The following TPP2 variants were observed in gnomAD, a reference collection of about 807,000 sequenced individuals.
The protein encoded by TPP2 is tripeptidyl-peptidase 2.
Under a neutral mutation model 155.9 loss-of-function variants are expected in TPP2, and 34 were observed. The observed-to-expected ratio is 0.22, with a 90% CI of 0.17 to 0.29. The LOEUF is 0.29. Among genes scored for constraint, TPP2 ranks in the 10% least tolerant of loss-of-function variants. The pLI, the probability that TPP2 is intolerant of heterozygous loss-of-function variation, is 1.00. For synonymous variants in TPP2, 510 were observed against 529.4 expected (o/e 0.96, Z 0.50); for missense variants, 1,028 against 1,522.3 (o/e 0.68, Z 5.40).
chr13:102,652,017 T>C (rs1212415818), intron 24 of TPP2, among the ~76,000 whole-genome samples: 1 of 152,184 alleles, frequency 6.6e-6, no homozygotes, highest in Non-Finnish European at 1.5e-5. Context: ...CTCTGCAGCA[T>C]ATTAAGCAAT....
chr13:102,671,532 T>C (rs995574638), intron 27 of TPP2, among the ~76,000 whole-genome samples: 13 of 152,218 alleles, frequency 8.5e-5, no homozygotes, highest in African/African-American at 3.1e-4. Context: ...CTCAACCCTC[T>C]TGTAAATGGG....
intron 15 of TPP2, among the ~76,000 whole-genome samples, 184 bp downstream of exon 15, chr13:102,638,499 G>T (rs1882538246): frequency 6.6e-6 from 1 of 152,124 alleles, no homozygotes; most frequent in Non-Finnish European, 1.5e-5. Flanking sequence ...TGTGTGCTCT[G>T]AGAGTAACTG....
chr13:102,659,636 A>G (rs1002217754), intron 25 of TPP2, among the ~76,000 whole-genome samples: 7 of 152,218 alleles, frequency 4.6e-5, no homozygotes, highest in African/African-American at 1.7e-4. Context: ...TGAAAATGAA[A>G]TAATTCCCAG....
chr13:102,667,221 A>G (rs1884668732), intron 27 of TPP2, among the ~76,000 whole-genome samples: 1 of 132,092 alleles, frequency 7.6e-6, no homozygotes, highest in Non-Finnish European at 1.6e-5. Flanking sequence ...AAAAAATATT[A>G]ACTTTTAGTT....
At chr13:102,633,049 A>G (rs1420839023) in intron 10 of TPP2, among the ~76,000 whole-genome samples, 1 of 152,222 alleles carries the variant, frequency 6.6e-6, no homozygotes, top group Non-Finnish European at 1.5e-5. Flanking sequence ...AAGAGTAAAA[A>G]TAGTTCACTC....
chr13:102,663,990 T>C (rs149443371), intron 26 of TPP2, among the ~76,000 whole-genome samples: 227 of 152,110 alleles, frequency 1.5e-3, no homozygotes, highest in African/African-American at 5.2e-3. Context: ...ACCTTAACGA[T>C]TGTTTTCATG....
intron 6 of TPP2, among the ~76,000 whole-genome samples, chr13:102,623,555 C>T (rs1881327909): frequency 6.6e-6 from 1 of 152,126 alleles, no homozygotes; most frequent in South Asian, 2.1e-4. Flanking sequence ...AAGAGCGAAA[C>T]TCCATCTCAA....
chr13:102,635,505 A>T, intron 11 of TPP2, 82 bp from the exon 12 acceptor site: 3 of 930,972 alleles, frequency 3.2e-6, no homozygotes, highest in Non-Finnish European at 5.1e-6. Flanking sequence ...CAGAGGGTCT[A>T]CAGGTGATCG....
At position 102,679,213 on chromosome 13, in the gene TPP2, A is replaced by G; in HGVS notation, c.*897A>G. ...TTTCATAAATAAAATTTGGGGTTAT[A>G]ACAGAAATAATACATTAAATACATA... On this transcript the variant is annotated 3_prime_UTR_variant, in exon 30 of 30. Transcript: ENST00000376052. 6.6e-6 allele frequency: 1 copy of G among 152,588 alleles called. No individual in the cohort carries two copies. The allele number at this position is 152,588 out of a possible 1,614,324, so 9.5% of individuals were successfully genotyped here.
At chr13:102,615,978 A>G (rs949041910) in intron 3 of TPP2, among the ~76,000 whole-genome samples, 2 of 149,276 alleles carry the variant, frequency 1.3e-5, no homozygotes, top group African/African-American at 2.5e-5. Context: ...TCTCTTTGAG[A>G]CAGAGTCTTA....
At chr13:102,663,110 TCA>T (rs765078057) in intron 25 of TPP2, among the ~76,000 whole-genome samples, 213 of 115,956 alleles carry the variant, frequency 1.8e-3, no homozygotes, top group Non-Finnish European at 2.4e-3. Flanking sequence ...GGAATAATTT[TCA>T]GTTTGATTTA....
At chr13:102,622,177 A>G (rs1881215280) in intron 5 of TPP2, among the ~76,000 whole-genome samples, 1 of 152,218 alleles carries the variant, frequency 6.6e-6, no homozygotes, top group Non-Finnish European at 1.5e-5. Context: ...ACTGACTTGC[A>G]TAGCTTGTTA....
At chr13:102,606,737 C>T (rs1044272005) in intron 2 of TPP2, among the ~76,000 whole-genome samples, 1 of 152,200 alleles carries the variant, frequency 6.6e-6, no homozygotes, top group Admixed American at 6.5e-5. Context: ...ATTATATTCA[C>T]GGGTCCTGCC....
Position 102,638,173 on chromosome 13 carries a change from A to G in TPP2, c.1837-66A>G, listed in dbSNP as rs1595173411. The G allele has an allele frequency of 1.3e-5, 18 of 1,394,408 alleles. No individual in the cohort carries two copies. In the East Asian group the frequency reaches 3.9e-4, roughly 30 times the overall value. The allele number at this position is 1,394,408 out of a possible 1,614,324, so 86.4% of individuals were successfully genotyped here. ...GATTGATTTATTCTGTCAGTAGTTT[A>G]GACCTTCCCCCGCTCTTTTAAACAT... is the stretch of plus-strand genomic sequence containing the variant. On this transcript the variant is annotated intron_variant, in intron 14 of 29. Transcript: ENST00000376052.
At chr13:102,603,592 T>G (rs1239983426) in intron 1 of TPP2, among the ~76,000 whole-genome samples, 1 of 152,100 alleles carries the variant, frequency 6.6e-6, no homozygotes, top group Non-Finnish European at 1.5e-5. Context: ...GAGGTTGGCG[T>G]GGTTAGACTC....
rs900785494 is a variant in TPP2, at chr13:102,630,128, G to A, written c.1177G>A (p.Val393Ile). The A allele has an allele frequency of 3.1e-6, 5 of 1,613,506 alleles. No individual in the cohort carries two copies. The African/African-American group carries it at 5.3e-5, about 17-fold the overall frequency. ...TGCTTATGTTTCTCCTGATATGATG[G>A]TTGCTGAGTATTCACTGAGAGAGAA... is the stretch of plus-strand genomic sequence containing the variant. Reference protein sequence around the residue: ...VGAYVSPDMMVAEYSLREKLP... With the variant: ...VGAYVSPDMMIAEYSLREKLP... Residue 393 changes from valine to isoleucine, a missense_variant, in exon 10 of 30, where the codon GTT (valine) becomes ATT (isoleucine). Val to Ile is a conservative substitution (Grantham distance 29). This residue lies in a region of TPP2 where 63 missense variants were observed against 165.7 expected (regional missense o/e 0.38). Coordinates refer to ENST00000376052, the MANE Select transcript of TPP2 (RefSeq NM_001330588.2).
At chr13:102,653,594 G>A (rs76866401) in intron 24 of TPP2, among the ~76,000 whole-genome samples, 1,850 of 152,058 alleles carry the variant, frequency 0.012, 38 homozygotes, top group African/African-American at 0.038. Context: ...GTCTTACTAC[G>A]TATGTTGCCC....
intron 25 of TPP2, 60 bp downstream of exon 25, chr13:102,657,267 CA>C (rs1313650939): frequency 4.2e-5 from 60 of 1,428,940 alleles, no homozygotes; most frequent in Middle Eastern, 5.1e-4. Flanking sequence ...CCAACTATAA[CA>C]ATATTGTGTA....
Position 102,627,857 on chromosome 13 carries a change from G to A in TPP2, c.949G>A (p.Val317Ile). The A allele has an allele frequency of 6.2e-7, 1 of 1,612,764 alleles. No homozygotes were observed. Among genetic ancestry groups the A allele is most frequent in the Non-Finnish European group, 8.5e-7 (1 of 1,179,310 alleles). ...TTAATCTCTTTAATAGATGATAGAA[G>A]TTATAAATCATAAGTGTGATCTTGT... ...GTGLIRAMIE[V>I]INHKCDLVNY... The change falls in exon 8 of 30, where the codon GTT becomes ATT. Residue 317 changes from valine (V) to isoleucine (I), a missense_variant. This residue lies in a region of TPP2 where 300 missense variants were observed against 398.3 expected (regional missense o/e 0.75). Coordinates refer to ENST00000376052, the MANE Select transcript of TPP2 (RefSeq NM_001330588.2).
Sources: allele counts gnomAD v4.1 joint callset (sites outside exome capture counted in the v4.1 genomes callset), GRCh38; gene constraint gnomAD v4.1.1; regional missense constraint gnomAD v4.1.1; transcripts MANE v1.5; gene names NCBI Gene and HGNC (gene_info 2026-07-23, HGNC 2026-07-21).